Variants in VRK2 observed in about 807,000 individuals in gnomAD.
The protein encoded by VRK2 is serine/threonine-protein kinase VRK2.
A neutral mutation model predicts 57.6 loss-of-function variants in VRK2; 60 were observed. The observed-to-expected ratio is 1.04, with a 90% CI of 0.85 to 1.29. The LOEUF is 1.29. Among genes scored for constraint, VRK2 ranks in the 50% most tolerant of loss-of-function variants. The pLI is 0.00. For synonymous variants in VRK2, 231 were observed against 199.2 expected (o/e 1.16, Z -1.35); for missense variants, 705 against 588.1 (o/e 1.20, Z -2.06).
chr2:58,094,012 C>G lies in VRK2; in HGVS notation c.543+4289C>G, dbSNP rs548738991. ...TTATTTCTGAGGGCTCTGTTCTGTTCCATTGGTCTATATCTCTGTTTTGGT... is the reference window on the plus strand; with the variant it reads ...TTATTTCTGAGGGCTCTGTTCTGTTGCATTGGTCTATATCTCTGTTTTGGT... On this transcript the variant is annotated intron_variant, in intron 7 of 12. Transcript: ENST00000340157. Among the ~76,000 whole-genome samples the G allele has an allele frequency of 2.8e-4, 43 of 152,210 alleles. No individual in the cohort carries two copies. The East Asian group carries it at 6.8e-3, about 24-fold the overall frequency.
At chr2:58,084,468 A>G (rs1212103556) in intron 3 of VRK2, among the ~76,000 whole-genome samples, 2 of 151,854 alleles carry the variant, frequency 1.3e-5, no homozygotes, top group Non-Finnish European at 2.9e-5. Context: ...TGTACCTAGT[A>G]TAATGAATGA....
At chr2:57,932,967 T>A (rs887952875) in intron 1 of VRK2, among the ~76,000 whole-genome samples, 3 of 152,188 alleles carry the variant, frequency 2.0e-5, no homozygotes, top group South Asian at 2.1e-4. Flanking sequence ...AATTTCCATA[T>A]ATTGTGAATA....
intron 10 of VRK2, among the ~76,000 whole-genome samples, 155 bp from the exon 11 acceptor site, chr2:58,139,511 A>T (rs1336736544): frequency 6.6e-6 from 1 of 152,130 alleles, no homozygotes; most frequent in African/African-American, 2.4e-5. Flanking sequence ...TTTGAATATC[A>T]TTTAAAAAGT....
At chr2:57,941,370 C>G (rs1671088680) in intron 1 of VRK2, among the ~76,000 whole-genome samples, 1 of 152,120 alleles carries the variant, frequency 6.6e-6, no homozygotes, top group Non-Finnish European at 1.5e-5. Flanking sequence ...CTGAACTGGA[C>G]ACATACTGTG....
intron 3 of VRK2, 109 bp downstream of exon 3, chr2:58,084,247 C>T (rs1413604847): frequency 1.1e-5 from 12 of 1,116,476 alleles, no homozygotes; most frequent in African/African-American, 3.2e-5. Context: ...ATCAGTAAAC[C>T]TAATGTTATC....
chr2:58,125,800 A>G (rs1678257341), intron 8 of VRK2, among the ~76,000 whole-genome samples: 1 of 152,062 alleles, frequency 6.6e-6, no homozygotes, highest in African/African-American at 2.4e-5. Context: ...ACCCACATAT[A>G]TATTTGCTGA....
intron 2 of VRK2, among the ~76,000 whole-genome samples, chr2:58,072,997 A>C (rs1216054175): frequency 1.3e-5 from 2 of 152,062 alleles, no homozygotes; most frequent in Non-Finnish European, 2.9e-5. Flanking sequence ...CTTCTGCTGC[A>C]TCCCTACATT....
At chr2:58,060,581 ATC>A (rs1009414165) in intron 2 of VRK2, among the ~76,000 whole-genome samples, 2 of 151,880 alleles carry the variant, frequency 1.3e-5, no homozygotes, top group African/African-American at 4.8e-5. Flanking sequence ...TGGTTCTATT[ATC>A]TGTTTATGTA....
chr2:57,990,654 CAATTA>C lies in VRK2; in HGVS notation c.-438-35008_-438-35004del, dbSNP rs1203946611. Among the ~76,000 whole-genome samples the C allele has an allele frequency of 2.4e-4, 37 of 152,306 alleles. 1 individual carries two copies. The highest frequency in any genetic ancestry group is 2.4e-3 in the Admixed American group (37 of 15,304). On this transcript the variant is annotated intron_variant, in intron 1 of 15. Transcript: ENST00000417641. ...ACACATATGGAAGCAATCATTCAATCAATTAAAGAGAAGAACTCATTAAATAAAAA... is the reference window on the plus strand; with the variant it reads ...ACACATATGGAAGCAATCATTCAATCAAGAGAAGAACTCATTAAATAAAAA...
At chr2:58,069,246 T>G (rs1215279451) in intron 2 of VRK2, among the ~76,000 whole-genome samples, 1 of 152,210 alleles carries the variant, frequency 6.6e-6, no homozygotes, top group East Asian at 1.9e-4. Flanking sequence ...TCGTTTAGTT[T>G]TCAATAGCAA....
chr2:58,100,822 A>C (rs1306243645), intron 7 of VRK2, among the ~76,000 whole-genome samples: 4 of 151,760 alleles, frequency 2.6e-5, no homozygotes, highest in African/African-American at 9.7e-5. Flanking sequence ...TCTATGCTAA[A>C]TTTTATTTCC....
At position 58,159,629 on chromosome 2, in the gene VRK2, A is replaced by T; in HGVS notation, c.1463A>T (p.Tyr488Phe). Reference sequence around the variant, plus strand: ...AGTGAAGAGACAAACGCAGATGTTTATTATTATCGCATCATCATACCTGTC... The same window carrying T: ...AGTGAAGAGACAAACGCAGATGTTTTTTATTATCGCATCATCATACCTGTC... ...TLSEETNADV[Y>F]YYRIIIPVLL... Residue 488 changes from tyrosine to phenylalanine, a missense_variant, in exon 13 of 13, where the codon TAT becomes TTT. Physicochemically the swap from Tyr to Phe is conservative, Grantham distance 22 (BLOSUM62 3). Transcript: ENST00000340157. 2 of 1,613,826 alleles carry T rather than the reference A, an allele frequency of 1.2e-6. No homozygotes were observed. Among genetic ancestry groups the T allele is most frequent in the South Asian group, 1.1e-5 (1 of 91,072 alleles).
chr2:58,108,857 A>C (rs777103221), intron 7 of VRK2, among the ~76,000 whole-genome samples: 2 of 152,182 alleles, frequency 1.3e-5, no homozygotes, highest in Non-Finnish European at 2.9e-5. Flanking sequence ...TTTAGGTTCA[A>C]ATCTCAGCTT....
Position 58,137,229 on chromosome 2 carries a change from GATACATATA to G in VRK2, c.856+2031_856+2039del, listed in dbSNP as rs1338207160. Among the ~76,000 whole-genome samples, 28 of 24,402 alleles carry G rather than the reference GATACATATA, an allele frequency of 1.1e-3. 1 individual carries two copies. Among genetic ancestry groups the G allele is most frequent in the African/African-American group, 3.1e-3 (26 of 8,330 alleles). 16.0% of individuals were successfully genotyped at this position (24,402 alleles called of 152,430 possible). On this transcript the variant is annotated intron_variant, in intron 10 of 12. Transcript: ENST00000340157. Reference sequence around the variant, plus strand: ...CATATATGATACATATATATCATATGATACATATATATCATATATATGATATATATGATA... The same window carrying G: ...CATATATGATACATATATATCATATGTATCATATATATGATATATATGATA...
intron 12 of VRK2, among the ~76,000 whole-genome samples, chr2:58,156,583 TTTTTG>T (rs200825336): frequency 0.096 from 13,916 of 144,946 alleles, 1,582 homozygotes; most frequent in African/African-American, 0.32. Context: ...GGTGGTGTTT[TTTTTG>T]TTTTGTTTTG....
intron 1 of VRK2, among the ~76,000 whole-genome samples, chr2:57,927,906 G>A (rs80262195): frequency 6.6e-6 from 1 of 152,074 alleles, no homozygotes; most frequent in Non-Finnish European, 1.5e-5. Flanking sequence ...AAAGTCTGCT[G>A]CCAGATGTAT....
At chr2:58,089,183 G>C (rs148251501) in intron 6 of VRK2, among the ~76,000 whole-genome samples, 2 of 152,214 alleles carry the variant, frequency 1.3e-5, no homozygotes, top group Admixed American at 6.5e-5. Context: ...TACAGAGGAA[G>C]AATACCTTTC....
Position 57,985,804 on chromosome 2 carries a change from A to G in VRK2, c.-438-39861A>G, listed in dbSNP as rs1672576503. Among the ~76,000 whole-genome samples, 3 of 152,160 alleles carry G rather than the reference A, an allele frequency of 2.0e-5. No individual in the cohort carries two copies. The South Asian group carries it at 6.2e-4, about 31-fold the overall frequency. On this transcript the variant is annotated intron_variant, in intron 1 of 15. Coordinates refer to the VRK2 transcript ENST00000417641. ...ATGAACAATAGGATTATCATGTAGA[A>G]AATCCTAAGGAATCCACTAAAATGC...
At chr2:58,083,661 T>G (rs572465133) in intron 2 of VRK2, among the ~76,000 whole-genome samples, 4 of 151,980 alleles carry the variant, frequency 2.6e-5, no homozygotes, top group African/African-American at 9.6e-5. Context: ...TCTGAATCAT[T>G]ATGAGTTCTA....
Sources: gnomAD v4.1 joint callset for allele counts (sites outside exome capture counted in the v4.1 genomes callset) on GRCh38, gnomAD v4.1.1 for gene constraint, MANE v1.5 for transcripts, NCBI Gene and HGNC (gene_info 2026-07-23, HGNC 2026-07-21) for gene names.